Variants in ZNF337 observed in about 807,000 individuals in gnomAD.
ZNF337 encodes the protein zinc finger protein 337.
Under a neutral mutation model 12.1 loss-of-function variants are expected in ZNF337, and 8 were observed. That is an observed-to-expected ratio of 0.66 (90% CI 0.39 to 1.19). The LOEUF (loss-of-function observed/expected upper bound fraction) is 1.19, where lower values mean the gene tolerates loss of function less well. Among genes scored for constraint, ZNF337 ranks in the 50% most tolerant of loss-of-function variants. The pLI is 0.01. For synonymous variants in ZNF337, 336 were observed against 320.0 expected (o/e 1.05, Z -0.53); for missense variants, 882 against 896.6 (o/e 0.98, Z 0.21).
rs2065668700 is a variant in ZNF337 at position 25,675,400 on chromosome 20, A to G, written c.1888T>C (p.Cys630Arg). The change falls in exon 5 of 5, where the codon TGC (cysteine) becomes CGC (arginine). Residue 630 changes from cysteine to arginine, a missense_variant. Physicochemically the swap from Cys to Arg is radical, Grantham distance 180. Coordinates refer to ENST00000252979, the MANE Select transcript of ZNF337 (RefSeq NM_015655.4). The stretch of plus-strand genomic sequence containing the variant: ...TTGAAGCCTCGCCCACACTCCTTGC[A>G]TACAAAAGGCTGCTTGCCAGAATGT... ...LAHSGKQPFVCKECGRGFNWK... is the reference protein window; with the variant it reads ...LAHSGKQPFVRKECGRGFNWK... The G allele has an allele frequency of 6.2e-7, 1 of 1,613,968 alleles. No homozygotes were observed. Among genetic ancestry groups the G allele is most frequent in the Admixed American group, 1.7e-5 (1 of 60,004 alleles).
Position 25,685,560 on chromosome 20 carries a change from C to A in ZNF337, c.250+7G>T, listed in dbSNP as rs1360716407. 6.2e-7 allele frequency: 1 copy of A among 1,612,344 alleles called. No individual in the cohort carries two copies. The highest frequency in any genetic ancestry group is 1.7e-5 in the Admixed American group (1 of 60,004). On this transcript the variant is annotated splice_region_variant and intron_variant, in intron 4 of 4. Coordinates refer to ENST00000252979, the MANE Select transcript of ZNF337 (RefSeq NM_015655.4). ...TTGTGCTCTGTCTGCCCTGTCTATC[C>A]CCTCACCTGCACAGGGGCCTGGCCG...
chr20:25,682,052 T>C (rs1401408011), intron 4 of ZNF337, among the ~76,000 whole-genome samples: 1 of 152,162 alleles, frequency 6.6e-6, no homozygotes, highest in Non-Finnish European at 1.5e-5. Flanking sequence ...CACCAAAATA[T>C]AATTGTTCAA....
Position 25,675,515 on chromosome 20 carries a change from C to G in ZNF337, c.1773G>C (p.Gln591His), listed in dbSNP as rs772693899. Residue 591 changes from glutamine (Q) to histidine (H), a missense_variant, in exon 5 of 5, where the codon CAG (glutamine) becomes CAC (histidine). By Grantham distance (24) the Gln-to-His change is conservative. Transcript: ENST00000252979. ...AAGGCTTCTCCCCTGAGTGTGTCTT[C>G]TGGTGGAAGAGGAGAGTTGATTTTA... ...FILKSTLLFH[Q>H]KTHSGEKPFI... 1.9e-6 allele frequency: 3 copies of G among 1,614,102 alleles called. No individual in the cohort carries two copies. The highest frequency in any genetic ancestry group is 4.5e-5 in the East Asian group (2 of 44,878).
At chr20:25,686,732 T>G (rs545156545) in intron 1 of ZNF337, 3 of 427,334 alleles carry the variant, frequency 7.0e-6, no homozygotes, top group Non-Finnish European at 8.4e-6. Flanking sequence ...CACCTGCAGA[T>G]GAGGTCTTGC....
rs1002908125 is a variant in ZNF337, at chr20:25,696,814, C to T, written c.-105G>A. On this transcript the variant is annotated 5_prime_UTR_variant, in exon 1 of 5. Transcript: ENST00000252979. ...AGGTCACCGATGGTGGACCACGCAT[C>T]TCACGGCTCGCTGACGCCCAGGGAT... is the stretch of plus-strand genomic sequence containing the variant. The T allele has an allele frequency of 3.0e-5, 30 of 985,432 alleles. No homozygotes were observed. The highest frequency in any genetic ancestry group is 1.1e-4 in the East Asian group (1 of 8,818). The allele number at this position is 985,432 out of a possible 1,614,324, so 61.0% of individuals were successfully genotyped here. A position where few individuals can be genotyped will look rare whatever the true frequency, so the allele number is the denominator to read the frequency against.
Position 25,676,431 on chromosome 20 carries a change from T to G in ZNF337, c.857A>C (p.His286Pro), listed in dbSNP as rs749866203. Residue 286 changes from histidine (H) to proline (P), a missense_variant, in exon 5 of 5, where the codon CAC becomes CCC. Physicochemically the swap from His to Pro is moderately conservative, Grantham distance 77. Transcript: ENST00000252979. Reference protein sequence around the residue: ...KSYLTVHERTHTGEKPYECQE... With the variant: ...KSYLTVHERTPTGEKPYECQE... ...GCATTCATAAGGCTTCTCTCCTGTG[T>G]GTGTTCTCTCATGCACAGTGAGGTA... The G allele has an allele frequency of 1.9e-6, 3 of 1,614,208 alleles. No individual in the cohort carries two copies. In the South Asian group the frequency reaches 3.3e-5, roughly 18 times the overall value.
intron 4 of ZNF337, among the ~76,000 whole-genome samples, chr20:25,682,242 C>T (rs1394025088): frequency 6.6e-6 from 1 of 151,966 alleles, no homozygotes; most frequent in African/African-American, 2.4e-5. Flanking sequence ...TTAGGTTTTA[C>T]AGATGAAATA....
Position 25,685,613 on chromosome 20 carries a change from T to C in ZNF337, c.204A>G (p.Glu68=), listed in dbSNP as rs752924276. Residue 68 remains glutamate, a synonymous_variant, in exon 4 of 5, where the codon GAA becomes GAG. Coordinates refer to ENST00000252979, the MANE Select transcript of ZNF337 (RefSeq NM_015655.4). The part of the protein sequence containing the change: ...PELIRRLEQG[E]VPWGEERRRR... ...GTCTTCTCTCTTCTCCCCAGGGCACTTCCCCTTGCTCTAGCCGCCTGATGA... is the reference window on the plus strand; with the variant it reads ...GTCTTCTCTCTTCTCCCCAGGGCACCTCCCCTTGCTCTAGCCGCCTGATGA... 13 of 1,614,206 alleles carry C rather than the reference T, an allele frequency of 8.1e-6. No individual in the cohort carries two copies. Among genetic ancestry groups the C allele is most frequent in the South Asian group, 1.1e-5 (1 of 91,084 alleles).
chr20:25,681,880 A>C (rs1193482660), intron 4 of ZNF337, among the ~76,000 whole-genome samples: 2 of 152,212 alleles, frequency 1.3e-5, no homozygotes, highest in Non-Finnish European at 2.9e-5. Flanking sequence ...TGATGTCCAC[A>C]ATATTAAAGA....
rs565445631 is a variant in ZNF337, at chr20:25,690,396, G to A, written c.-49-3930C>T. Among the ~76,000 whole-genome samples the A allele has an allele frequency of 2.6e-5, 4 of 152,320 alleles. No individual in the cohort carries two copies. The East Asian group carries it at 7.7e-4, about 29-fold the overall frequency. The stretch of plus-strand genomic sequence containing the variant: ...AATGGAAAAATCTCATGGTGAACTT[G>A]CCTATAGATCCCTGGGGCAAAAAAT... On this transcript the variant is annotated intron_variant, in intron 1 of 4. Transcript: ENST00000252979.
chr20:25,680,751 G>A (rs1034687816), intron 4 of ZNF337: 2 of 152,146 alleles, frequency 1.3e-5, no homozygotes, highest in East Asian at 1.9e-4. Context: ...ACTTACAATG[G>A]TGTTATTTTG....
At chr20:25,689,259 G>A (rs932080702) in intron 1 of ZNF337, among the ~76,000 whole-genome samples, 17 of 152,190 alleles carry the variant, frequency 1.1e-4, no homozygotes, top group African/African-American at 2.9e-4. Context: ...AGCGGAGACC[G>A]TGCCACTGCA....
Position 25,676,596 on chromosome 20 carries a change from G to C in ZNF337, c.692C>G (p.Thr231Arg), listed in dbSNP as rs200386201. 3.0e-4 allele frequency: 480 copies of C among 1,612,888 alleles called. No homozygotes were observed. Among genetic ancestry groups the C allele is most frequent in the Non-Finnish European group, 3.8e-4 (448 of 1,179,254 alleles). The part of the protein sequence containing the change: ...SALLLHQNTH[T>R]GEKSYVCSVC... ...ACTGCACACATAGGACTTCTCTCCT[G>C]TGTGTGTGTTCTGGTGCAAGAGCAA... The change falls in exon 5 of 5, where the codon ACA becomes AGA. Residue 231 changes from threonine to arginine, a missense_variant. Physicochemically the swap from Thr to Arg is moderately conservative, Grantham distance 71. Transcript: ENST00000252979.
At chr20:25,687,658 A>AT (rs1429300128) in intron 1 of ZNF337, among the ~76,000 whole-genome samples, 1 of 152,258 alleles carries the variant, frequency 6.6e-6, no homozygotes, top group Admixed American at 6.5e-5. Flanking sequence ...AAGCTAAGTC[A>AT]TGCAAGAAGC....
At chr20:25,682,027 C>G (rs2065774813) in intron 4 of ZNF337, among the ~76,000 whole-genome samples, 1 of 152,064 alleles carries the variant, frequency 6.6e-6, no homozygotes, top group African/African-American at 2.4e-5. Context: ...ATAAGCCTTT[C>G]AACTTTTTAG....
intron 1 of ZNF337, among the ~76,000 whole-genome samples, chr20:25,690,181 G>A (rs2065872821): frequency 6.6e-6 from 1 of 152,110 alleles, no homozygotes; most frequent in African/African-American, 2.4e-5. Context: ...AGCTACTCCT[G>A]GCTTGAGCCC....
chr20:25,682,975 C>T (rs1433838717), intron 4 of ZNF337, among the ~76,000 whole-genome samples: 1 of 152,184 alleles, frequency 6.6e-6, no homozygotes, highest in Non-Finnish European at 1.5e-5. Context: ...TCTGTCCACA[C>T]ATTCTCCAAA....
intron 1 of ZNF337, among the ~76,000 whole-genome samples, chr20:25,696,087 T>TCCCCCCCCCCCCCCCCCCCCCCCCCCCC (rs149644721): frequency 1.9e-5 from 1 of 52,106 alleles, no homozygotes; most frequent in African/African-American, 6.3e-5. Flanking sequence ...CCCACGCAGA[T>TCCCCCCCCCCCCCCCCCCCCCCCCCCCC]CCCCCCCCCC....
intron 1 of ZNF337, among the ~76,000 whole-genome samples, chr20:25,688,387 TTC>T (rs1386301396): frequency 6.6e-6 from 1 of 152,252 alleles, no homozygotes; most frequent in Admixed American, 6.5e-5. Flanking sequence ...AAATTTTTTT[TTC>T]TGTTTCAACG....
Sources: gnomAD v4.1 joint callset for allele counts (sites outside exome capture counted in the v4.1 genomes callset) on GRCh38, gnomAD v4.1.1 for gene constraint, MANE v1.5 for transcripts, NCBI Gene and HGNC (gene_info 2026-07-23, HGNC 2026-07-21) for gene names.